PDHB: variants seen among roughly 807,000 people sequenced by gnomAD.
PDHB encodes pyruvate dehydrogenase E1 subunit beta, also known as pyruvate dehydrogenase E1 component subunit beta, mitochondrial.
Under a neutral mutation model 42.8 loss-of-function variants are expected in PDHB, and 17 were observed. The observed-to-expected ratio is 0.40, with a 90% CI of 0.27 to 0.60. The LOEUF is 0.60. Among genes scored for constraint, PDHB ranks in the 20% least tolerant of loss-of-function variants. The pLI, the probability that PDHB is intolerant of heterozygous loss-of-function variation, is 0.46. For synonymous variants in PDHB, 154 were observed against 148.7 expected, an observed-to-expected ratio of 1.04 and a Z score of -0.26; for missense variants, 322 against 451.3, an observed-to-expected ratio of 0.71 and a Z score of 2.60.
At position 58,430,798 on chromosome 3, in the gene PDHB, C is replaced by T; in HGVS notation, c.448G>A (p.Ala150Thr). Reference protein sequence around the residue: ...VPIVFRGPNGASAGVAAQHSQ... With the variant: ...VPIVFRGPNGTSAGVAAQHSQ... Reference sequence around the variant, plus strand: ...TGCTGGGCAGCTACACCTGCTGAGGCACCATTGGGCCCTCTGAAGACTATA... The same window carrying T: ...TGCTGGGCAGCTACACCTGCTGAGGTACCATTGGGCCCTCTGAAGACTATA... The change falls in exon 6 of 10, where the codon GCC becomes ACC. Residue 150 changes from alanine (A) to threonine (T), a missense_variant. This residue lies in a region of PDHB where 208 missense variants were observed against 285.0 expected (regional missense o/e 0.73). Transcript: ENST00000302746. The T allele has an allele frequency of 1.2e-6, 2 of 1,614,172 alleles. No individual in the cohort carries two copies. The highest frequency in any genetic ancestry group is 1.7e-6 in the Non-Finnish European group (2 of 1,179,992).
At chr3:58,428,386 C>T (rs1237012158) in intron 9 of PDHB, 87 bp downstream of exon 9, 1 of 1,470,646 alleles carries the variant, frequency 6.8e-7, no homozygotes, top group Non-Finnish European at 9.5e-7. Flanking sequence ...CCACTCCTAG[C>T]TTTCAATCTC....
intron 2 of PDHB, 189 bp downstream of exon 2, chr3:58,433,432 AGCTGTGAGGT>A (rs2062941070): frequency 3.2e-6 from 2 of 617,410 alleles, no homozygotes; most frequent in Non-Finnish European, 5.8e-6. Context: ...TTGCCCAGCC[AGCTGTGAGGT>A]GGTGACTCGC....
intron 6 of PDHB, 30 bp from the exon 7 acceptor site, chr3:58,430,268 A>G (rs1314087544): frequency 2.9e-6 from 4 of 1,359,880 alleles, no homozygotes; most frequent in South Asian, 2.4e-5. Flanking sequence ...AAACAAAAGT[A>G]ATTAATCACA....
intron 2 of PDHB, chr3:58,433,274 T>G: frequency 2.5e-6 from 1 of 406,690 alleles, no homozygotes; most frequent in South Asian, 2.8e-5. Flanking sequence ...TGGATGGTGG[T>G]TAATGGTTGT....
In PDHB at chr3:58,429,807, CAG is replaced by C. The variant is rs775303009; in HGVS notation, c.701-10_701-9del. 1.3e-6 allele frequency: 2 copies of C among 1,541,920 alleles called. No individual in the cohort carries two copies. Among genetic ancestry groups the C allele is most frequent in the Non-Finnish European group, 1.8e-6 (2 of 1,114,178 alleles). ...CCACAGTTATATGTGTTCCTGAAAACAGAGTGGTCACAGATCAGAGATCAGGT... is the reference window on the plus strand; with the variant it reads ...CCACAGTTATATGTGTTCCTGAAAACAGTGGTCACAGATCAGAGATCAGGT... On this transcript the variant is annotated splice_polypyrimidine_tract_variant and intron_variant, in intron 7 of 9. Coordinates refer to ENST00000302746, the MANE Select transcript of PDHB (RefSeq NM_000925.4).
In PDHB at chr3:58,430,788, C is replaced by T. The variant is rs780170320; in HGVS notation, c.458G>A (p.Gly153Asp). 1 of 1,614,214 alleles carries T rather than the reference C, an allele frequency of 6.2e-7. No homozygotes were observed. Among genetic ancestry groups the T allele is most frequent in the Non-Finnish European group, 8.5e-7 (1 of 1,180,028 alleles). Residue 153 changes from glycine to aspartate, a missense_variant, in exon 6 of 10, where the codon GGT becomes GAT. Gly to Asp is a moderately conservative substitution (Grantham distance 94). This residue lies in a region of PDHB where 208 missense variants were observed against 285.0 expected (regional missense o/e 0.73). Coordinates refer to ENST00000302746, the MANE Select transcript of PDHB (RefSeq NM_000925.4). The stretch of plus-strand genomic sequence containing the variant: ...GCACTGTGAGTGCTGGGCAGCTACA[C>T]CTGCTGAGGCACCATTGGGCCCTCT... The part of the protein sequence containing the change: ...VFRGPNGASA[G>D]VAAQHSQCFA...
rs771813233 is a variant in PDHB, at chr3:58,433,777, G to A, written c.33C>T (p.Pro11=). The A allele has an allele frequency of 6.2e-7, 1 of 1,612,424 alleles. No homozygotes were observed. The highest frequency in any genetic ancestry group is 8.5e-7 in the Non-Finnish European group (1 of 1,179,646). The change falls in exon 1 of 10, where the codon CCC becomes CCT. Residue 11 remains proline, a synonymous_variant. Coordinates refer to ENST00000302746, the MANE Select transcript of PDHB (RefSeq NM_000925.4). MAAVSGLVRR[P]LREVSGLLKR... ...GCGCGCTGCTGCCTACCTCCCGAAG[G>A]GGTCTCCGCACCAAGCCAGACACCG...
rs1203148983 is a variant in PDHB at position 58,433,804 on chromosome 3, C to T, written c.6G>A (p.Ala2=). 2 of 1,611,348 alleles carry T rather than the reference C, an allele frequency of 1.2e-6. No homozygotes were observed. The highest frequency in any genetic ancestry group is 1.7e-6 in the Non-Finnish European group (2 of 1,179,294). M[A]AVSGLVRRPL... ...GTCTCCGCACCAAGCCAGACACCGC[C>T]GCCATCTTGGTCGTGTCCTCTATCC... Residue 2 remains alanine, a synonymous_variant, in exon 1 of 10, where the codon GCG becomes GCA. Coordinates refer to ENST00000302746, the MANE Select transcript of PDHB (RefSeq NM_000925.4).
intron 6 of PDHB, 136 bp from the exon 7 acceptor site, chr3:58,430,374 C>T (rs1413247879): frequency 2.9e-6 from 2 of 693,930 alleles, no homozygotes; most frequent in African/African-American, 3.6e-5. Flanking sequence ...GACCAGCAGC[C>T]TTGAGAGCAG....
chr3:58,429,967 G>C, intron 7 of PDHB, 161 bp downstream of exon 7: 1 of 730,508 alleles, frequency 1.4e-6, no homozygotes, highest in Admixed American at 2.0e-5. Flanking sequence ...AAACCTACCA[G>C]ACTGAGATCT....
intron 2 of PDHB, chr3:58,432,994 C>T (rs2062937477): frequency 6.6e-6 from 1 of 152,328 alleles, no homozygotes. Flanking sequence ...GGGAGACTAT[C>T]TCAAAAAAAT....
chr3:58,433,394 G>A (rs766487291), intron 2 of PDHB: 36 of 598,256 alleles, frequency 6.0e-5, no homozygotes, highest in Non-Finnish European at 9.8e-5. Context: ...GAGTGAGGGA[G>A]GAAACGCCTA....
In PDHB at chr3:58,430,697, A is replaced by G. The variant is rs2107939461; in HGVS notation, c.549T>C (p.Ala183=). 2 of 1,614,080 alleles carry G rather than the reference A, an allele frequency of 1.2e-6. No individual in the cohort carries two copies. The highest frequency in any genetic ancestry group is 1.7e-6 in the Non-Finnish European group (2 of 1,179,998). The part of the protein sequence containing the change: ...KVVSPWNSED[A]KGLIKSAIRD... ...GAATGGCTGATTTAATAAGTCCTTT[A>G]GCATCCTCTGAATTCCAGGGACTGA... Residue 183 remains alanine, a synonymous_variant, in exon 6 of 10, where the codon GCT becomes GCC. Transcript: ENST00000302746.
chr3:58,431,037 T>A lies in PDHB; in HGVS notation c.304-95A>T, dbSNP rs1338513616. ...CAAGTCTTCCAACATTCAAATAATG[T>A]TTTTATTTTTTATTTTTATTTTTTA... On this transcript the variant is annotated intron_variant, in intron 5 of 9. Transcript: ENST00000302746. This position sits in a 1 kb window ranked among gnomAD's most constrained non-coding sequence, Gnocchi z 4.4. 5.9e-6 allele frequency: 7 copies of A among 1,181,118 alleles called. No individual in the cohort carries two copies. In the East Asian group the frequency reaches 1.3e-4, roughly 21 times the overall value. 73.2% of individuals were successfully genotyped at this position (1,181,118 alleles called of 1,614,324 possible). A position where few individuals can be genotyped will look rare whatever the true frequency, so the allele number is the denominator to read the frequency against.
At chr3:58,433,561 C>T in intron 2 of PDHB, 70 bp downstream of exon 2, 2 of 1,519,402 alleles carry the variant, frequency 1.3e-6, no homozygotes, top group Non-Finnish European at 1.8e-6. Flanking sequence ...GCAGGCGCGA[C>T]TCCGGCCTCC....
In PDHB at chr3:58,428,581, T is replaced by A. The variant is rs372743787; in HGVS notation, c.826A>T (p.Met276Leu). The A allele has an allele frequency of 1.0e-4, 161 of 1,613,788 alleles. 2 individuals are homozygous for A. The South Asian group carries it at 1.7e-3, about 17-fold the overall frequency. The change falls in exon 9 of 10, where the codon ATG becomes TTG. Residue 276 changes from methionine (M) to leucine (L), a missense_variant. Transcript: ENST00000302746. ...INMRTIRPMD[M>L]ETIEASVMKT... ...ATGACACTGGCTTCTATGGTTTCCATGTCCATTGGTCTAATGGTACGCATA... is the reference window on the plus strand; with the variant it reads ...ATGACACTGGCTTCTATGGTTTCCAAGTCCATTGGTCTAATGGTACGCATA...
intron 8 of PDHB, 99 bp from the exon 9 acceptor site, chr3:58,428,713 G>C (rs1209090094): frequency 9.1e-7 from 1 of 1,104,846 alleles, no homozygotes; most frequent in African/African-American, 1.5e-5. Flanking sequence ...GTTAATCTTT[G>C]TATCTAGGAA....
At position 58,430,110 on chromosome 3, in the gene PDHB, A is replaced by T; in HGVS notation, c.700+18T>A. On this transcript the variant is annotated intron_variant, in intron 7 of 9. Transcript: ENST00000302746. ...GGGCTGGATTAAAAATACTGTTTAT[A>T]TATCTTAGTTTTCTTACCTTGCCTT... is the stretch of plus-strand genomic sequence containing the variant. The T allele has an allele frequency of 7.4e-7, 1 of 1,358,596 alleles. No individual in the cohort carries two copies. Among genetic ancestry groups the T allele is most frequent in the Non-Finnish European group, 1.1e-6 (1 of 947,232 alleles). The allele number at this position is 1,358,596 out of a possible 1,614,324, so 84.2% of individuals were successfully genotyped here.
Position 58,433,617 on chromosome 3 carries a change from C to G in PDHB, c.96+14G>C, listed in dbSNP as rs774007894. 27 of 1,607,354 alleles carry G rather than the reference C, an allele frequency of 1.7e-5. No individual in the cohort carries two copies. Among genetic ancestry groups the G allele is most frequent in the African/African-American group, 9.3e-5 (7 of 74,884 alleles). ...CCTCCCCGCCCTCGTCCGACGAGCACCCGCGCCTGTTACCTGCAGCGCAGC... is the reference window on the plus strand; with the variant it reads ...CCTCCCCGCCCTCGTCCGACGAGCAGCCGCGCCTGTTACCTGCAGCGCAGC... On this transcript the variant is annotated intron_variant, in intron 2 of 9. Transcript: ENST00000302746.
Sources: allele counts gnomAD v4.1 joint callset, GRCh38; gene constraint gnomAD v4.1.1; regional missense constraint gnomAD v4.1.1; non-coding constraint Gnocchi (gnomAD v3.1); transcripts MANE v1.5; gene names NCBI Gene and HGNC (gene_info 2026-07-23, HGNC 2026-07-21).